ZNF804A: variants seen among roughly 807,000 people sequenced by gnomAD.
ZNF804A encodes zinc finger protein 804A.
ZNF804A carries 2 observed loss-of-function variants against 16.5 expected under a neutral mutation model. The observed-to-expected ratio is 0.12, with a 90% CI of 0.05 to 0.38. The LOEUF (loss-of-function observed/expected upper bound fraction) is 0.38, where lower values mean the gene tolerates loss of function less well. ZNF804A is among the 10% of genes least tolerant of loss of function. The probability of loss-of-function intolerance (pLI) is 0.99; values close to 1 mark genes in which losing one functional copy is unlikely to be tolerated. For missense variants in ZNF804A, 1,473 were observed against 1,390.7 expected (o/e 1.06, Z -0.94); for synonymous variants, 534 against 489.6 (o/e 1.09, Z -1.20).
chr2:184,756,860 T>C (rs1693966493), intron 1 of ZNF804A, among the ~76,000 whole-genome samples: 2 of 152,088 alleles, frequency 1.3e-5, no homozygotes, highest in African/African-American at 4.8e-5. Flanking sequence ...TTCCCTGCTT[T>C]TATAACTGAT....
intron 1 of ZNF804A, among the ~76,000 whole-genome samples, chr2:184,736,715 A>C (rs192337543): frequency 1.4e-4 from 21 of 152,282 alleles, no homozygotes; most frequent in Admixed American, 3.3e-4. Flanking sequence ...AAAAAAAGAA[A>C]AAGGAAAAAA....
intron 2 of ZNF804A, among the ~76,000 whole-genome samples, chr2:184,914,919 G>A (rs995762069): frequency 1.3e-5 from 2 of 151,540 alleles, no homozygotes; most frequent in African/African-American, 4.8e-5. Context: ...TATTTGATAT[G>A]TTGATTTACT....
At chr2:184,811,492 A>G (rs1295818073) in intron 1 of ZNF804A, among the ~76,000 whole-genome samples, 1 of 152,064 alleles carries the variant, frequency 6.6e-6, no homozygotes, top group Non-Finnish European at 1.5e-5. Context: ...TTCCTTTTCT[A>G]TTTTATTAAA....
intron 1 of ZNF804A, among the ~76,000 whole-genome samples, chr2:184,696,967 A>C (rs1490521618): frequency 1.3e-5 from 2 of 152,002 alleles, no homozygotes; most frequent in Non-Finnish European, 2.9e-5. Context: ...GAAAATTATT[A>C]ATATTTTTAT....
intron 1 of ZNF804A, among the ~76,000 whole-genome samples, chr2:184,806,013 G>A (rs1055995168): frequency 4.6e-5 from 7 of 151,682 alleles, no homozygotes; most frequent in Admixed American, 2.0e-4. Flanking sequence ...AATAATCTCC[G>A]AACCAAACAA....
intron 1 of ZNF804A, among the ~76,000 whole-genome samples, chr2:184,706,952 G>A (rs182408057): frequency 6.6e-6 from 1 of 152,132 alleles, no homozygotes; most frequent in Non-Finnish European, 1.5e-5. Context: ...AATAGTTTTA[G>A]TAAAGCATAT....
intron 1 of ZNF804A, among the ~76,000 whole-genome samples, chr2:184,606,690 T>C (rs1009431027): frequency 6.6e-6 from 1 of 152,188 alleles, no homozygotes; most frequent in African/African-American, 2.4e-5. Context: ...AACTGAGCCT[T>C]TCTGGAGAAA....
In ZNF804A at chr2:184,791,905, A is replaced by T. The variant is rs1449796698; in HGVS notation, c.112-74464A>T. Among the ~76,000 whole-genome samples, 5 of 152,204 alleles carry T rather than the reference A, an allele frequency of 3.3e-5. No homozygotes were observed. In the East Asian group the frequency reaches 9.6e-4, roughly 29 times the overall value. Reference sequence around the variant, plus strand: ...TTTTGCTTTTTCCAGAATGCTATATAGTTGGAATCATACAATACGTAGCCT... The same window carrying T: ...TTTTGCTTTTTCCAGAATGCTATATTGTTGGAATCATACAATACGTAGCCT... On this transcript the variant is annotated intron_variant, in intron 1 of 3. Transcript: ENST00000302277.
intron 1 of ZNF804A, among the ~76,000 whole-genome samples, chr2:184,710,773 T>C (rs1355515572): frequency 1.3e-5 from 2 of 151,864 alleles, no homozygotes; most frequent in African/African-American, 2.4e-5. Flanking sequence ...TTTGTCCTTC[T>C]GTGATAAGCC....
At chr2:184,816,145 A>G (rs1694979503) in intron 1 of ZNF804A, among the ~76,000 whole-genome samples, 1 of 152,010 alleles carries the variant, frequency 6.6e-6, no homozygotes, top group South Asian at 2.1e-4. Context: ...ATGGAATACA[A>G]CTTTAGGCTA....
At chr2:184,717,068 G>C (rs1328794078) in intron 1 of ZNF804A, among the ~76,000 whole-genome samples, 1 of 151,678 alleles carries the variant, frequency 6.6e-6, no homozygotes, top group Non-Finnish European at 1.5e-5. Context: ...ATCCTGGCAG[G>C]GTATCAGATG....
At chr2:184,776,321 A>G (rs1273216136) in intron 1 of ZNF804A, among the ~76,000 whole-genome samples, 1 of 151,576 alleles carries the variant, frequency 6.6e-6, no homozygotes, top group Non-Finnish European at 1.5e-5. Flanking sequence ...AGAAGAACAA[A>G]TGTAGAAAGA....
intron 2 of ZNF804A, among the ~76,000 whole-genome samples, chr2:184,929,777 A>C (rs1389004187): frequency 7.2e-5 from 11 of 152,108 alleles, no homozygotes; most frequent in Non-Finnish European, 1.6e-4. Context: ...GTTTGTACGA[A>C]GTTGTTCATG....
intron 1 of ZNF804A, among the ~76,000 whole-genome samples, chr2:184,622,860 G>C (rs1276092168): frequency 6.6e-6 from 1 of 151,894 alleles, no homozygotes; most frequent in African/African-American, 2.4e-5. Context: ...GTGCCTATAA[G>C]TGTACTTGAA....
At chr2:184,721,718 G>A (rs1050697712) in intron 1 of ZNF804A, among the ~76,000 whole-genome samples, 5 of 152,106 alleles carry the variant, frequency 3.3e-5, no homozygotes, top group Middle Eastern at 3.2e-3. Flanking sequence ...ACGACTGTAC[G>A]ACCCAGCAAT....
intron 1 of ZNF804A, among the ~76,000 whole-genome samples, chr2:184,834,515 A>C (rs1695312448): frequency 6.6e-6 from 1 of 152,086 alleles, no homozygotes; most frequent in Admixed American, 6.6e-5. Context: ...GAAAATGTGT[A>C]TCTCTCATAC....
intron 1 of ZNF804A, among the ~76,000 whole-genome samples, chr2:184,652,807 G>A (rs1692010874): frequency 6.6e-6 from 1 of 151,462 alleles, no homozygotes; most frequent in Admixed American, 6.6e-5. Flanking sequence ...TTAGATTATG[G>A]GGGCAGTTCC....
At chr2:184,835,888 C>T (rs368079871) in intron 1 of ZNF804A, among the ~76,000 whole-genome samples, 167 of 152,194 alleles carry the variant, frequency 1.1e-3, no homozygotes, top group African/African-American at 3.7e-3. Context: ...ACCTTGACTT[C>T]AGTCTGGGAG....
intron 1 of ZNF804A, among the ~76,000 whole-genome samples, chr2:184,730,318 A>T (rs188451886): frequency 6.6e-6 from 1 of 151,440 alleles, no homozygotes; most frequent in Admixed American, 6.6e-5. Context: ...AATTTATTTC[A>T]TTATCAACAA....
Sources: gnomAD v4.1 joint callset for allele counts (sites outside exome capture counted in the v4.1 genomes callset) on GRCh38, gnomAD v4.1.1 for gene constraint, MANE v1.5 for transcripts, NCBI Gene and HGNC (gene_info 2026-07-23, HGNC 2026-07-21) for gene names.